KIAA1328: variants seen among roughly 807,000 people sequenced by gnomAD.
The protein encoded by KIAA1328 is protein hinderin.
A neutral mutation model predicts 68.1 loss-of-function variants in KIAA1328; 52 were observed. The ratio of observed to expected loss-of-function variants is 0.76; its 90% CI spans 0.61 to 0.96. The LOEUF is 0.96. KIAA1328 is among the 40% of genes least tolerant of loss of function. The pLI, the probability that KIAA1328 is intolerant of heterozygous loss-of-function variation, is 0.00. For missense variants in KIAA1328, 641 were observed against 677.6 expected (o/e 0.95, Z 0.60); for synonymous variants, 232 against 239.4 (o/e 0.97, Z 0.28).
At chr18:37,217,166 A>T (rs2060460177) in intron 9 of KIAA1328, among the ~76,000 whole-genome samples, 1 of 152,124 alleles carries the variant, frequency 6.6e-6, no homozygotes, top group East Asian at 1.9e-4. Flanking sequence ...TAGCCCATTT[A>T]CATTTAAGGT....
intron 9 of KIAA1328, among the ~76,000 whole-genome samples, chr18:37,177,878 G>A (rs1038985759): frequency 5.3e-5 from 8 of 151,980 alleles, no homozygotes; most frequent in Non-Finnish European, 7.4e-5. Flanking sequence ...GAGGTACATT[G>A]TGGTGTTCCA....
At chr18:36,883,952 GTATATATA>G (rs58707237) in intron 4 of KIAA1328, among the ~76,000 whole-genome samples, 2 of 120,804 alleles carry the variant, frequency 1.7e-5, no homozygotes, top group East Asian at 2.2e-4. Flanking sequence ...TATTTATAAA[GTATATATA>G]TATATATATA....
At chr18:36,970,210 G>C (rs1032757235) in intron 6 of KIAA1328, among the ~76,000 whole-genome samples, 2 of 152,156 alleles carry the variant, frequency 1.3e-5, no homozygotes, top group Non-Finnish European at 2.9e-5. Context: ...AAAACCACAT[G>C]ATTATCCCAA....
intron 5 of KIAA1328, among the ~76,000 whole-genome samples, chr18:36,929,494 C>T (rs1424748439): frequency 6.6e-6 from 1 of 152,050 alleles, no homozygotes; most frequent in Non-Finnish European, 1.5e-5. Context: ...CCACCTTGTA[C>T]TTAGCATGGG....
intron 5 of KIAA1328, chr18:36,924,973 C>G (rs768126813): frequency 4.6e-5 from 7 of 152,164 alleles, no homozygotes; most frequent in Non-Finnish European, 1.0e-4. Flanking sequence ...TTCAGACCTT[C>G]ATGCTGAGGT....
chr18:36,903,099 A>G (rs2049095081), intron 5 of KIAA1328, among the ~76,000 whole-genome samples: 1 of 152,048 alleles, frequency 6.6e-6, no homozygotes, highest in South Asian at 2.1e-4. Flanking sequence ...AAAAAAATAC[A>G]TGTTTATCAT....
At chr18:37,138,102 T>G (rs1037868855) in intron 7 of KIAA1328, among the ~76,000 whole-genome samples, 5 of 152,258 alleles carry the variant, frequency 3.3e-5, no homozygotes, top group African/African-American at 1.2e-4. Context: ...TTTTCTCATT[T>G]AATAGTAACA....
Position 36,912,004 on chromosome 18 carries a change from A to G in KIAA1328, c.448+26332A>G, listed in dbSNP as rs140420983. On this transcript the variant is annotated intron_variant, in intron 5 of 9. Coordinates refer to ENST00000280020, the MANE Select transcript of KIAA1328 (RefSeq NM_020776.3). ...AGAAAAAAATACTTATTCTTTCTCC[A>G]TAGTTCTATACATTTTAAATTTTAA... Among the ~76,000 whole-genome samples, 884 of 152,286 alleles carry G rather than the reference A, an allele frequency of 5.8e-3. 5 individuals are homozygous for G. Among genetic ancestry groups the G allele is most frequent in the Non-Finnish European group, 8.9e-3 (602 of 68,014 alleles).
intron 6 of KIAA1328, among the ~76,000 whole-genome samples, chr18:37,066,394 G>A (rs1286213472): frequency 1.3e-5 from 2 of 152,186 alleles, no homozygotes; most frequent in African/African-American, 2.4e-5. Context: ...TGTAAAGATA[G>A]TTATAAAACC....
intron 4 of KIAA1328, among the ~76,000 whole-genome samples, chr18:36,845,149 G>T (rs1241213568): frequency 1.3e-5 from 2 of 151,704 alleles, no homozygotes; most frequent in East Asian, 3.9e-4. Flanking sequence ...AAAAAGTGAT[G>T]TTTTGGGAGC....
chr18:36,943,053 A>G (rs995015241), intron 5 of KIAA1328, among the ~76,000 whole-genome samples: 1 of 152,164 alleles, frequency 6.6e-6, no homozygotes, highest in South Asian at 2.1e-4. Flanking sequence ...CCCATCAGAC[A>G]TCTTTATGTA....
intron 7 of KIAA1328, among the ~76,000 whole-genome samples, chr18:37,081,169 A>G (rs149820142): frequency 0.013 from 1,964 of 152,160 alleles, 41 homozygotes; most frequent in African/African-American, 0.045. Context: ...TTTAGTAGAG[A>G]CAGGGTTTCA....
At chr18:36,897,616 A>C (rs2048906193) in intron 5 of KIAA1328, among the ~76,000 whole-genome samples, 1 of 152,034 alleles carries the variant, frequency 6.6e-6, no homozygotes, top group Admixed American at 6.6e-5. Context: ...GACACAAGAG[A>C]ATAGTTATTA....
chr18:36,976,637 GATTAT>G (rs1198916498), intron 6 of KIAA1328, among the ~76,000 whole-genome samples: 2 of 151,734 alleles, frequency 1.3e-5, no homozygotes, highest in African/African-American at 2.4e-5. Context: ...GTTGTTTATA[GATTAT>G]ATTATATTAC....
intron 6 of KIAA1328, among the ~76,000 whole-genome samples, chr18:37,059,266 T>A (rs1207512739): frequency 6.6e-6 from 1 of 151,718 alleles, no homozygotes; most frequent in Admixed American, 6.6e-5. Flanking sequence ...ACCTACAGAA[T>A]GGGAGAAAAT....
At chr18:37,074,366 G>A (rs892672630) in intron 7 of KIAA1328, among the ~76,000 whole-genome samples, 2 of 152,162 alleles carry the variant, frequency 1.3e-5, no homozygotes, top group African/African-American at 4.8e-5. Context: ...TAATGTCTAA[G>A]ATTTTTAGTT....
At chr18:37,129,155 T>A (rs2058461839) in intron 7 of KIAA1328, among the ~76,000 whole-genome samples, 1 of 152,206 alleles carries the variant, frequency 6.6e-6, no homozygotes, top group Non-Finnish European at 1.5e-5. Context: ...TTTATTGATT[T>A]ATTATACCAT....
At chr18:37,030,529 A>G (rs2054780724) in intron 6 of KIAA1328, among the ~76,000 whole-genome samples, 2 of 152,144 alleles carry the variant, frequency 1.3e-5, no homozygotes, top group Admixed American at 6.5e-5. Flanking sequence ...CACAATTTCA[A>G]TATCTTGAAA....
chr18:37,048,287 A>G (rs111727774), intron 6 of KIAA1328, among the ~76,000 whole-genome samples: 2 of 152,150 alleles, frequency 1.3e-5, no homozygotes, highest in South Asian at 2.1e-4. Context: ...TTAACTTTAC[A>G]TTTTCTAAAG....
Sources: gnomAD v4.1 joint callset for allele counts (sites outside exome capture counted in the v4.1 genomes callset) on GRCh38, gnomAD v4.1.1 for gene constraint, MANE v1.5 for transcripts, NCBI Gene and HGNC (gene_info 2026-07-23, HGNC 2026-07-21) for gene names.